The following ALK variants were observed in gnomAD, a reference collection of about 807,000 sequenced individuals.
ALK encodes the protein ALK receptor tyrosine kinase.
In ALK, 74 loss-of-function variants were observed where a neutral mutation model predicts 163.1. The ratio of observed to expected loss-of-function variants is 0.45; its 90% CI spans 0.38 to 0.55. The LOEUF (loss-of-function observed/expected upper bound fraction) is 0.55, where lower values mean the gene tolerates loss of function less well. Ranked by LOEUF, ALK falls within the 20% of genes least tolerant of loss-of-function variation. The pLI, the probability that ALK is intolerant of heterozygous loss-of-function variation, is 0.00. For missense variants in ALK, 2,063 were observed against 2,105.3 expected (o/e 0.98, Z 0.39); for synonymous variants, 960 against 843.2 (o/e 1.14, Z -2.40).
At chr2:29,806,313 G>A (rs1282589252) in intron 1 of ALK, among the ~76,000 whole-genome samples, 1 of 152,022 alleles carries the variant, frequency 6.6e-6, no homozygotes, top group Non-Finnish European at 1.5e-5. Context: ...TAATAGCATG[G>A]GAGAAAGACT....
chr2:29,787,738 A>T (rs1664075737), intron 1 of ALK, among the ~76,000 whole-genome samples: 1 of 152,188 alleles, frequency 6.6e-6, no homozygotes, highest in African/African-American at 2.4e-5. Flanking sequence ...TAAGTAAGGG[A>T]GAATATTTAA....
chr2:29,711,694 C>T (rs1322625529), intron 2 of ALK, among the ~76,000 whole-genome samples: 1 of 152,008 alleles, frequency 6.6e-6, no homozygotes, highest in African/African-American at 2.4e-5. Flanking sequence ...AGCCACCTGC[C>T]CAGGGGTGAG....
At chr2:29,451,575 C>T (rs767362065) in intron 4 of ALK, among the ~76,000 whole-genome samples, 1 of 152,166 alleles carries the variant, frequency 6.6e-6, no homozygotes, top group Non-Finnish European at 1.5e-5. Flanking sequence ...TTGGACATAA[C>T]TTCCTCCTCT....
At chr2:29,266,563 T>C (rs1489511849) in intron 11 of ALK, among the ~76,000 whole-genome samples, 1 of 152,208 alleles carries the variant, frequency 6.6e-6, no homozygotes, top group South Asian at 2.1e-4. Flanking sequence ...GAAAGCCTGA[T>C]AGAAATGATC....
At chr2:29,358,736 G>A (rs565639825) in intron 5 of ALK, among the ~76,000 whole-genome samples, 46 of 152,248 alleles carry the variant, frequency 3.0e-4, no homozygotes, top group African/African-American at 1.1e-3. Flanking sequence ...TGAGGGGCAG[G>A]CACTGATATA....
intron 3 of ALK, among the ~76,000 whole-genome samples, chr2:29,632,949 C>T (rs1676419818): frequency 6.6e-6 from 1 of 152,158 alleles, no homozygotes; most frequent in African/African-American, 2.4e-5. Flanking sequence ...TCCCACTGCG[C>T]CCCTCCCACA....
intron 1 of ALK, among the ~76,000 whole-genome samples, chr2:29,731,566 G>A (rs2148317774): frequency 6.6e-6 from 1 of 152,286 alleles, no homozygotes. Flanking sequence ...GCTGGCAACA[G>A]GTATAACAGA....
chr2:29,453,381 C>T (rs1405503373), intron 4 of ALK, among the ~76,000 whole-genome samples: 1 of 151,946 alleles, frequency 6.6e-6, no homozygotes, highest in African/African-American at 2.4e-5. Flanking sequence ...CAAGTGTGCA[C>T]CAACATGCCT....
intron 4 of ALK, among the ~76,000 whole-genome samples, chr2:29,449,713 G>C (rs1279587909): frequency 1.3e-5 from 2 of 152,236 alleles, no homozygotes; most frequent in African/African-American, 4.8e-5. Context: ...TCTGTGCAGA[G>C]GAGGCTCTTA....
chr2:29,693,809 G>A (rs1255821852), intron 3 of ALK, among the ~76,000 whole-genome samples: 1 of 152,022 alleles, frequency 6.6e-6, no homozygotes, highest in African/African-American at 2.4e-5. Context: ...CCCTTGTCTG[G>A]GACTCATCAC....
chr2:29,771,369 T>C (rs544822293), intron 1 of ALK, among the ~76,000 whole-genome samples: 1 of 152,352 alleles, frequency 6.6e-6, no homozygotes, highest in African/African-American at 2.4e-5. Flanking sequence ...GGACAAGTTC[T>C]AATCAAACAA....
At chr2:29,827,354 G>C (rs916826024) in intron 1 of ALK, among the ~76,000 whole-genome samples, 2 of 152,176 alleles carry the variant, frequency 1.3e-5, no homozygotes, top group African/African-American at 4.8e-5. Context: ...CCTTCAAAGA[G>C]GTCAGACATT....
chr2:29,496,049 G>A lies in ALK; in HGVS notation c.1154+35866C>T, dbSNP rs151253745. Among the ~76,000 whole-genome samples, 207 of 152,168 alleles carry A rather than the reference G, an allele frequency of 1.4e-3. 2 individuals carry two copies. Among genetic ancestry groups the A allele is most frequent in the African/African-American group, 4.8e-3 (198 of 41,516 alleles). On this transcript the variant is annotated intron_variant, in intron 4 of 28. Transcript: ENST00000389048. ...TATGTTGAGATCCCCCTCCCTTTGC[G>A]GCCGCCTTTTTCCCATGTCAGTTCT... is the stretch of plus-strand genomic sequence containing the variant.
At chr2:29,913,956 A>T (rs1434763850) in intron 1 of ALK, among the ~76,000 whole-genome samples, 1 of 149,614 alleles carries the variant, frequency 6.7e-6, no homozygotes, top group Non-Finnish European at 1.5e-5. Context: ...CTAGACCTGG[A>T]CAGAGCACTC....
chr2:29,398,975 C>T (rs1347626337), intron 4 of ALK, among the ~76,000 whole-genome samples: 1 of 152,096 alleles, frequency 6.6e-6, no homozygotes. Flanking sequence ...GGAGCTGCTG[C>T]AGGGGTATCT....
In ALK at chr2:29,876,711, G is replaced by A. The variant is rs368473138; in HGVS notation, c.667+43282C>T. 9.2e-3 allele frequency among the ~76,000 whole-genome samples: 1,393 copies of A among 150,606 alleles called. 22 individuals are homozygous for A. The highest frequency in any genetic ancestry group is 0.033 in the African/African-American group (1,339 of 40,968). ...TATGGTGATGGTAGTGATGGTGATG[G>A]TGGTGATGGTGATGATGATGGTGGT... On this transcript the variant is annotated intron_variant, in intron 1 of 28. Transcript: ENST00000389048.
intron 3 of ALK, among the ~76,000 whole-genome samples, chr2:29,590,114 C>T (rs1323422753): frequency 1.3e-5 from 2 of 152,244 alleles, no homozygotes; most frequent in Non-Finnish European, 1.5e-5. Context: ...CACTTGAATA[C>T]ATCTCCAGGG....
At chr2:29,519,576 G>A (rs1472018422) in intron 4 of ALK, among the ~76,000 whole-genome samples, 2 of 152,214 alleles carry the variant, frequency 1.3e-5, no homozygotes, top group African/African-American at 4.8e-5. Flanking sequence ...TGTACCTGCT[G>A]CCACCACCTC....
At chr2:29,720,615 C>T (rs1457539092) in intron 1 of ALK, among the ~76,000 whole-genome samples, 1 of 152,166 alleles carries the variant, frequency 6.6e-6, no homozygotes, top group East Asian at 1.9e-4. Context: ...TTTCCAAAAT[C>T]GGAAGCATTG....
Sources: allele counts gnomAD v4.1 joint callset (sites outside exome capture counted in the v4.1 genomes callset), GRCh38; gene constraint gnomAD v4.1.1; transcripts MANE v1.5; gene names NCBI Gene and HGNC (gene_info 2026-07-23, HGNC 2026-07-21).